ZCCHC14: variants seen among roughly 807,000 people sequenced by gnomAD.
ZCCHC14 encodes the protein zinc finger CCHC-type containing 14.
A neutral mutation model predicts 85.0 loss-of-function variants in ZCCHC14; 16 were observed. The ratio of observed to expected loss-of-function variants is 0.19; its 90% CI spans 0.13 to 0.29. The LOEUF is 0.29. Among genes scored for constraint, ZCCHC14 ranks in the 10% least tolerant of loss-of-function variants. ZCCHC14 has a pLI of 1.00. For synonymous variants in ZCCHC14, 775 were observed against 630.7 expected (o/e 1.23, Z -3.43); for missense variants, 1,303 against 1,443.5 (o/e 0.90, Z 1.58).
intron 7 of ZCCHC14, 26 bp downstream of exon 7, chr16:87,418,821 T>C: frequency 6.2e-7 from 1 of 1,606,520 alleles, no homozygotes; most frequent in East Asian, 2.2e-5. Context: ...ATCTGAACTG[T>C]GCTGGTTACA....
chr16:87,416,537 C>A (rs1028733317), intron 8 of ZCCHC14, among the ~76,000 whole-genome samples: 7 of 152,088 alleles, frequency 4.6e-5, no homozygotes, highest in Non-Finnish European at 1.0e-4. Flanking sequence ...GTGGGCAGAT[C>A]ATGAGTCAGG....
Position 87,479,416 on chromosome 16 carries a change from C to CAA in ZCCHC14, c.570+12251_570+12252dup, listed in dbSNP as rs35830701. 3.9e-3 allele frequency among the ~76,000 whole-genome samples: 467 copies of CAA among 119,310 alleles called. 2 individuals carry two copies. Among genetic ancestry groups the CAA allele is most frequent in the African/African-American group, 0.011 (392 of 34,796 alleles). 78.3% of individuals were successfully genotyped at this position (119,310 alleles called of 152,430 possible). A position where few individuals can be genotyped will look rare whatever the true frequency, so the allele number is the denominator to read the frequency against. On this transcript the variant is annotated intron_variant, in intron 1 of 12. Coordinates refer to ENST00000671377, the MANE Select transcript of ZCCHC14 (RefSeq NM_015144.3). ...TGGGTGACAACGCAAGACTACGTCT[C>CAA]AAAAAAAAAAAAAAAGAAACCTAAG...
chr16:87,483,285 C>T (rs964266290), intron 1 of ZCCHC14, among the ~76,000 whole-genome samples: 1 of 110,170 alleles, frequency 9.1e-6, no homozygotes, highest in African/African-American at 3.4e-5. Flanking sequence ...TGGTGAAACC[C>T]CATCTCTACT....
chr16:87,416,812 T>A (rs970995010), intron 8 of ZCCHC14, among the ~76,000 whole-genome samples: 3 of 152,184 alleles, frequency 2.0e-5, no homozygotes, highest in African/African-American at 7.2e-5. Flanking sequence ...CAAATATACT[T>A]ACAATTTGGA....
intron 8 of ZCCHC14, among the ~76,000 whole-genome samples, chr16:87,415,861 C>T (rs547023921): frequency 3.3e-5 from 5 of 152,312 alleles, no homozygotes; most frequent in South Asian, 4.1e-4. Context: ...TCACCCTCTG[C>T]GGGATGGTCG....
At chr16:87,475,114 A>G (rs1911941061) in intron 1 of ZCCHC14, among the ~76,000 whole-genome samples, 1 of 152,212 alleles carries the variant, frequency 6.6e-6, no homozygotes, top group African/African-American at 2.4e-5. Context: ...AGCTCTGGAG[A>G]CCAGGCACAG....
intron 8 of ZCCHC14, among the ~76,000 whole-genome samples, chr16:87,415,817 C>T (rs139082718): frequency 5.6e-4 from 85 of 152,306 alleles, no homozygotes; most frequent in African/African-American, 1.4e-3. Flanking sequence ...CTCCCCAGGA[C>T]GGCCCCATCA....
chr16:87,477,120 C>CA (rs769416913), intron 1 of ZCCHC14, among the ~76,000 whole-genome samples: 4,781 of 40,402 alleles, frequency 0.12, 411 homozygotes, highest in Non-Finnish European at 0.15. Context: ...GACTCAGTCT[C>CA]AAAAAAAAAA....
At chr16:87,467,887 G>A (rs1911601312) in intron 1 of ZCCHC14, among the ~76,000 whole-genome samples, 3 of 152,120 alleles carry the variant, frequency 2.0e-5, no homozygotes, top group South Asian at 2.1e-4. Context: ...TCCTGACGTC[G>A]TGGTCCGCCC....
At chr16:87,476,890 G>C (rs1335087629) in intron 1 of ZCCHC14, among the ~76,000 whole-genome samples, 1 of 151,884 alleles carries the variant, frequency 6.6e-6, no homozygotes, top group Non-Finnish European at 1.5e-5. Flanking sequence ...ACTTTGGAAG[G>C]CTGAGGAGGG....
intron 2 of ZCCHC14, among the ~76,000 whole-genome samples, chr16:87,444,484 A>G (rs976696669): frequency 5.9e-5 from 9 of 152,234 alleles, no homozygotes; most frequent in Admixed American, 5.9e-4. Context: ...GAAACAGACT[A>G]TTTATCTAGT....
intron 2 of ZCCHC14, among the ~76,000 whole-genome samples, chr16:87,456,015 G>A (rs545958483): frequency 6.6e-5 from 10 of 152,326 alleles, no homozygotes; most frequent in Admixed American, 2.0e-4. Flanking sequence ...CCCACTGTAA[G>A]TTGAAAAGCA....
At position 87,417,756 on chromosome 16, in the gene ZCCHC14, G is replaced by A. The variant is rs1229379999; in HGVS notation, c.1101-14C>T. 1.3e-6 allele frequency: 2 copies of A among 1,566,524 alleles called. No individual in the cohort carries two copies. Among genetic ancestry groups the A allele is most frequent in the African/African-American group, 1.3e-5 (1 of 74,154 alleles). ...CCACACACAGGCCTGTGGGACAGGG[G>A]CAGGAGGGACACAGAGAGACTGTGG... On this transcript the variant is annotated splice_polypyrimidine_tract_variant and intron_variant, in intron 7 of 12. Transcript: ENST00000671377.
At chr16:87,444,212 G>C (rs1910326541) in intron 2 of ZCCHC14, among the ~76,000 whole-genome samples, 1 of 152,124 alleles carries the variant, frequency 6.6e-6, no homozygotes, top group African/African-American at 2.4e-5. Flanking sequence ...CTAGGCCGTT[G>C]GAAATTGTTG....
rs1436856066 is a variant in ZCCHC14, at chr16:87,408,382, T to G, written c.*1898A>C. ...CCACTGTAATGGCCTTCAGAAATAT[T>G]AAAATCGTAAACATCAATGAACACT... On this transcript the variant is annotated 3_prime_UTR_variant, in exon 13 of 13. Transcript: ENST00000671377. 1 of 152,602 alleles carries G rather than the reference T, an allele frequency of 6.6e-6. No individual in the cohort carries two copies. Among genetic ancestry groups the G allele is most frequent in the Non-Finnish European group, 1.5e-5 (1 of 68,040 alleles). 9.5% of individuals were successfully genotyped at this position (152,602 alleles called of 1,614,324 possible).
chr16:87,458,061 C>T (rs1024406542), intron 2 of ZCCHC14, among the ~76,000 whole-genome samples: 4 of 146,780 alleles, frequency 2.7e-5, no homozygotes, highest in South Asian at 2.1e-4. Context: ...AGCATGCAGA[C>T]GAGACAATGA....
chr16:87,463,493 G>T (rs990128137), intron 1 of ZCCHC14, among the ~76,000 whole-genome samples: 4 of 152,224 alleles, frequency 2.6e-5, no homozygotes, highest in African/African-American at 9.6e-5. Context: ...GTTCTAAGAA[G>T]AGAAAGTGAG....
At chr16:87,489,635 T>C (rs918744561) in intron 1 of ZCCHC14, among the ~76,000 whole-genome samples, 1 of 152,116 alleles carries the variant, frequency 6.6e-6, no homozygotes, top group African/African-American at 2.4e-5. Flanking sequence ...CTGGCCAAGG[T>C]TGCACGGCTG....
At chr16:87,447,946 C>T (rs577598730) in intron 2 of ZCCHC14, among the ~76,000 whole-genome samples, 33 of 152,184 alleles carry the variant, frequency 2.2e-4, no homozygotes, top group Middle Eastern at 3.4e-3. Flanking sequence ...TGATGACTGG[C>T]GACTTGAATC....
Sources: gnomAD v4.1 joint callset for allele counts (sites outside exome capture counted in the v4.1 genomes callset) on GRCh38, gnomAD v4.1.1 for gene constraint, MANE v1.5 for transcripts, NCBI Gene and HGNC (gene_info 2026-07-23, HGNC 2026-07-21) for gene names.